The following CERS6 variants were observed in gnomAD, a reference collection of about 807,000 sequenced individuals.
The protein encoded by CERS6 is ceramide synthase 6.
A neutral mutation model predicts 56.8 loss-of-function variants in CERS6; 26 were observed. That is an observed-to-expected ratio of 0.46 (90% CI 0.34 to 0.63). The LOEUF is 0.63. Ranked by LOEUF, CERS6 falls within the 30% of genes least tolerant of loss-of-function variation. The probability of loss-of-function intolerance (pLI) is 0.01; values close to 1 mark genes in which losing one functional copy is unlikely to be tolerated. For synonymous variants in CERS6, 164 were observed against 173.3 expected (o/e 0.95, Z 0.42); for missense variants, 415 against 467.5 (o/e 0.89, Z 1.04).
rs574838304 is a variant in CERS6 at position 168,480,802 on chromosome 2, A to T, written c.170+24184A>T. Among the ~76,000 whole-genome samples, 2 of 152,314 alleles carry T rather than the reference A, an allele frequency of 1.3e-5. 1 individual carries two copies. The highest frequency in any genetic ancestry group is 3.9e-4 in the East Asian group (2 of 5,176). On this transcript the variant is annotated intron_variant, in intron 1 of 9. Transcript: ENST00000305747. ...TGAAAACCTAGAACTGGGGAAAGTT[A>T]TGTGAAATAGAGTAGACATATATCT...
intron 1 of CERS6, among the ~76,000 whole-genome samples, chr2:168,485,624 C>T (rs188656469): frequency 6.6e-6 from 1 of 152,254 alleles, no homozygotes; most frequent in East Asian, 1.9e-4. Context: ...AGATTTCCTT[C>T]TTTCACTTTA....
chr2:168,606,223 T>G (rs538132408), intron 3 of CERS6, among the ~76,000 whole-genome samples: 9 of 152,340 alleles, frequency 5.9e-5, no homozygotes, highest in African/African-American at 2.2e-4. Context: ...GAGATTATTT[T>G]GGAGCTTTAA....
At chr2:168,647,512 C>G (rs1289563707) in intron 4 of CERS6, among the ~76,000 whole-genome samples, 1 of 152,084 alleles carries the variant, frequency 6.6e-6, no homozygotes, top group Admixed American at 6.6e-5. Context: ...TTATTTATTT[C>G]TTTTGTCTGA....
chr2:168,652,371 T>G (rs1231579388), intron 4 of CERS6, among the ~76,000 whole-genome samples: 2 of 152,166 alleles, frequency 1.3e-5, no homozygotes, highest in Admixed American at 6.5e-5. Flanking sequence ...AAGTTTAATT[T>G]CAAGAGCTAA....
chr2:168,466,709 C>T (rs1046714398), intron 1 of CERS6, among the ~76,000 whole-genome samples: 1 of 152,138 alleles, frequency 6.6e-6, no homozygotes. Context: ...CTTTTTCTCT[C>T]TACTGGTCTT....
chr2:168,517,502 T>A (rs921600327), intron 1 of CERS6, among the ~76,000 whole-genome samples: 1 of 138,762 alleles, frequency 7.2e-6, no homozygotes, highest in African/African-American at 3.2e-5. Flanking sequence ...AAAAAATAAA[T>A]AAATAAATAA....
chr2:168,633,413 G>A (rs969256413), intron 4 of CERS6, among the ~76,000 whole-genome samples: 3 of 152,032 alleles, frequency 2.0e-5, no homozygotes, highest in African/African-American at 7.2e-5. Flanking sequence ...CAGCTCAGGA[G>A]GCAGAAATCC....
chr2:168,673,435 C>T lies in CERS6; in HGVS notation c.466-17599C>T, dbSNP rs1685973322. Among the ~76,000 whole-genome samples, 3 of 152,166 alleles carry T rather than the reference C, an allele frequency of 2.0e-5. 1 individual carries two copies. In the South Asian group the frequency reaches 6.2e-4, roughly 32 times the overall value. On this transcript the variant is annotated intron_variant, in intron 4 of 9. Transcript: ENST00000305747. Reference sequence around the variant, plus strand: ...AAAAAAAAGGAAAAGGGAGGTCTCCCTATGATGTCAAGTTTCCATTCGTGG... The same window carrying T: ...AAAAAAAAGGAAAAGGGAGGTCTCCTTATGATGTCAAGTTTCCATTCGTGG...
chr2:168,463,922 T>G (rs35107089), intron 1 of CERS6, among the ~76,000 whole-genome samples: 38,574 of 151,998 alleles, frequency 0.25, 6,111 homozygotes, highest in East Asian at 0.51. Context: ...ACAAAAAAAT[T>G]TTTTGCTTTG....
chr2:168,588,080 A>ATTT (rs11396816), intron 3 of CERS6, among the ~76,000 whole-genome samples: 11 of 138,546 alleles, frequency 7.9e-5, no homozygotes, highest in East Asian at 4.2e-4. Flanking sequence ...TACCTGGCTA[A>ATTT]TTTTTTTTTT....
rs1226474562 is a variant in CERS6 at position 168,639,149 on chromosome 2, G to T, written c.465+8107G>T. ...GCATAGACTTCTACTCAAAAGTTTA[G>T]AGTTGAACTTGACTATGAAAAACAT... On this transcript the variant is annotated intron_variant, in intron 4 of 9. Transcript: ENST00000305747. 2.0e-5 allele frequency among the ~76,000 whole-genome samples: 3 copies of T among 152,090 alleles called. No individual in the cohort carries two copies. The East Asian group carries it at 5.8e-4, about 29-fold the overall frequency.
At chr2:168,693,721 TG>T in intron 5 of CERS6, among the ~76,000 whole-genome samples, 1 of 151,740 alleles carries the variant, frequency 6.6e-6, no homozygotes, top group East Asian at 1.9e-4. Context: ...ACCCCATTCA[TG>T]GGGGCTCCAC....
chr2:168,457,886 T>C (rs1253662355), intron 1 of CERS6, among the ~76,000 whole-genome samples: 2 of 152,184 alleles, frequency 1.3e-5, no homozygotes, highest in Non-Finnish European at 2.9e-5. Flanking sequence ...GACAGTATTG[T>C]TGCTTGAAAA....
At chr2:168,521,842 C>T (rs1243946514) in intron 1 of CERS6, among the ~76,000 whole-genome samples, 1 of 152,186 alleles carries the variant, frequency 6.6e-6, no homozygotes, top group African/African-American at 2.4e-5. Context: ...CCTTTAGAAA[C>T]CTTCAGGCCC....
At chr2:168,508,792 A>T (rs1018260825) in intron 1 of CERS6, among the ~76,000 whole-genome samples, 2 of 152,186 alleles carry the variant, frequency 1.3e-5, no homozygotes, top group African/African-American at 4.8e-5. Flanking sequence ...GCAAACCACC[A>T]TGGCACATGT....
chr2:168,540,217 G>A (rs139432211), intron 1 of CERS6, among the ~76,000 whole-genome samples: 28 of 152,102 alleles, frequency 1.8e-4, no homozygotes, highest in African/African-American at 6.3e-4. Context: ...AATTATGGGG[G>A]GTGGAGGGTT....
At chr2:168,717,844 T>C (rs1317588194) in intron 7 of CERS6, 28 bp from the exon 8 acceptor site, 1 of 1,534,344 alleles carries the variant, frequency 6.5e-7, no homozygotes, top group African/African-American at 1.4e-5. Flanking sequence ...TTAACTACAT[T>C]AATATATCAC....
intron 3 of CERS6, among the ~76,000 whole-genome samples, chr2:168,594,992 T>G (rs185534970): frequency 1.1e-4 from 16 of 152,322 alleles, no homozygotes; most frequent in African/African-American, 3.6e-4. Flanking sequence ...ATTAAGAGAA[T>G]TGCCTAGTGC....
intron 8 of CERS6, among the ~76,000 whole-genome samples, chr2:168,738,730 G>A (rs755795370): frequency 6.6e-6 from 1 of 152,128 alleles, no homozygotes; most frequent in Non-Finnish European, 1.5e-5. Flanking sequence ...CTTAGGCACA[G>A]GGCTAACCAA....
Sources: gnomAD v4.1 joint callset for allele counts (sites outside exome capture counted in the v4.1 genomes callset) on GRCh38, gnomAD v4.1.1 for gene constraint, MANE v1.5 for transcripts, NCBI Gene and HGNC (gene_info 2026-07-23, HGNC 2026-07-21) for gene names.